SGCZ: variants seen among roughly 807,000 people sequenced by gnomAD.
SGCZ encodes sarcoglycan zeta.
A neutral mutation model predicts 41.3 loss-of-function variants in SGCZ; 40 were observed. The observed-to-expected ratio is 0.97, with a 90% CI of 0.75 to 1.26. The LOEUF is 1.26. SGCZ is among the 50% of genes most tolerant of loss of function. The pLI, the probability that SGCZ is intolerant of heterozygous loss-of-function variation, is 0.00. For missense variants in SGCZ, 552 were observed against 369.8 expected, an observed-to-expected ratio of 1.49 and a Z score of -4.04; for synonymous variants, 206 against 137.5, an observed-to-expected ratio of 1.50 and a Z score of -3.49.
intron 1 of SGCZ, among the ~76,000 whole-genome samples, chr8:14,737,911 A>T (rs1799093590): frequency 1.3e-5 from 2 of 152,136 alleles, no homozygotes; most frequent in African/African-American, 2.4e-5. Flanking sequence ...TAGTTTAGAT[A>T]CATTATTTTA....
intron 1 of SGCZ, among the ~76,000 whole-genome samples, chr8:14,729,238 C>T (rs78400616): frequency 1.9e-3 from 283 of 152,284 alleles, no homozygotes; most frequent in Non-Finnish European, 3.1e-3. Flanking sequence ...CATGCCCAGT[C>T]ACGACAACGC....
At chr8:14,821,715 C>T (rs778558625) in intron 1 of SGCZ, among the ~76,000 whole-genome samples, 5 of 151,834 alleles carry the variant, frequency 3.3e-5, no homozygotes, top group Non-Finnish European at 5.9e-5. Flanking sequence ...GACAAACATC[C>T]CTATGATCAT....
At chr8:14,838,923 A>C (rs1563306023) in intron 1 of SGCZ, among the ~76,000 whole-genome samples, 1 of 152,176 alleles carries the variant, frequency 6.6e-6, no homozygotes. Flanking sequence ...AGACTCAGAA[A>C]GGTGACCAGG....
intron 1 of SGCZ, among the ~76,000 whole-genome samples, chr8:14,701,186 C>A (rs549199553): frequency 6.6e-6 from 1 of 151,888 alleles, no homozygotes; most frequent in Non-Finnish European, 1.5e-5. Context: ...TTAAACATTA[C>A]AATAAATATG....
chr8:14,821,289 C>A (rs7008090), intron 1 of SGCZ, among the ~76,000 whole-genome samples: 58 of 151,674 alleles, frequency 3.8e-4, no homozygotes, highest in African/African-American at 1.3e-3. Context: ...AAAAACTGAA[C>A]AGAACAATAA....
intron 2 of SGCZ, among the ~76,000 whole-genome samples, chr8:14,418,866 C>T (rs568744117): frequency 1.3e-5 from 2 of 151,920 alleles, no homozygotes; most frequent in African/African-American, 4.8e-5. Context: ...TTTGTGGAAC[C>T]CCCACATTTT....
rs1349538408 is a variant in SGCZ at position 14,370,579 on chromosome 8, C to T, written c.235-46375G>A. On this transcript the variant is annotated intron_variant, in intron 2 of 7. Coordinates refer to ENST00000382080, the MANE Select transcript of SGCZ (RefSeq NM_139167.4). ...ATTCTTACTCAAGTTCTCTTTTCAG[C>T]ACTAGTGTTAAGTATTTTCTATTTA... is the stretch of plus-strand genomic sequence containing the variant. 2.6e-5 allele frequency among the ~76,000 whole-genome samples: 4 copies of T among 151,754 alleles called. No homozygotes were observed. In the East Asian group the frequency reaches 7.7e-4, roughly 29 times the overall value.
At chr8:14,813,036 T>C (rs575793917) in intron 1 of SGCZ, among the ~76,000 whole-genome samples, 1 of 152,160 alleles carries the variant, frequency 6.6e-6, no homozygotes, top group Non-Finnish European at 1.5e-5. Context: ...ATTTGAATAA[T>C]TGAAATGTTA....
intron 2 of SGCZ, among the ~76,000 whole-genome samples, chr8:14,405,016 G>A (rs1249414410): frequency 6.6e-6 from 1 of 152,172 alleles, no homozygotes; most frequent in East Asian, 1.9e-4. Context: ...AGCCTGGTGA[G>A]GCAGCTGCCA....
At chr8:15,230,434 A>G (rs1801907573) in intron 1 of SGCZ, among the ~76,000 whole-genome samples, 1 of 152,210 alleles carries the variant, frequency 6.6e-6, no homozygotes, top group Admixed American at 6.5e-5. Flanking sequence ...TTGTGATCCT[A>G]GGCATTTCAC....
intron 1 of SGCZ, among the ~76,000 whole-genome samples, chr8:14,869,120 G>A (rs1032374071): frequency 1.3e-5 from 2 of 151,992 alleles, no homozygotes; most frequent in Non-Finnish European, 2.9e-5. Context: ...CCCAAACCTG[G>A]CAGAGACACA....
chr8:14,892,871 A>G (rs1445959906), intron 1 of SGCZ, among the ~76,000 whole-genome samples: 1 of 152,152 alleles, frequency 6.6e-6, no homozygotes, highest in Non-Finnish European at 1.5e-5. Context: ...CTATCATTCT[A>G]TGGTTCTAAA....
intron 1 of SGCZ, among the ~76,000 whole-genome samples, chr8:14,751,512 G>T (rs1409950930): frequency 1.3e-5 from 2 of 152,010 alleles, no homozygotes; most frequent in Non-Finnish European, 2.9e-5. Flanking sequence ...ATAATTTAAT[G>T]GATATAATAT....
intron 5 of SGCZ, among the ~76,000 whole-genome samples, chr8:14,149,887 C>T (rs572115903): frequency 2.0e-5 from 3 of 152,056 alleles, no homozygotes; most frequent in Admixed American, 6.6e-5. Flanking sequence ...CTACAGTGAA[C>T]TCATTTTCAA....
intron 1 of SGCZ, among the ~76,000 whole-genome samples, chr8:14,728,262 G>C (rs1810123471): frequency 6.7e-6 from 1 of 148,740 alleles, no homozygotes; most frequent in Non-Finnish European, 1.5e-5. Flanking sequence ...CTTAATTGTT[G>C]AAAAAGCAGA....
chr8:15,237,459 C>T (rs1802171908), intron 1 of SGCZ, 126 bp downstream of exon 1: 4 of 1,170,372 alleles, frequency 3.4e-6, no homozygotes, highest in Non-Finnish European at 4.9e-6. Context: ...CGCGTCCCCC[C>T]AACGCCCCCT....
chr8:15,024,135 T>C (rs1803360718), intron 1 of SGCZ, among the ~76,000 whole-genome samples: 1 of 152,212 alleles, frequency 6.6e-6, no homozygotes, highest in Non-Finnish European at 1.5e-5. Context: ...TCTTAGTATA[T>C]CTTGGAAATT....
chr8:14,746,567 C>A (rs1799345454), intron 1 of SGCZ, among the ~76,000 whole-genome samples: 1 of 152,060 alleles, frequency 6.6e-6, no homozygotes, highest in Admixed American at 6.6e-5. Flanking sequence ...ATAAATAAAC[C>A]TGGCATAAGA....
chr8:15,194,840 A>T (rs941802274), intron 1 of SGCZ, among the ~76,000 whole-genome samples: 1 of 152,064 alleles, frequency 6.6e-6, no homozygotes, highest in African/African-American at 2.4e-5. Context: ...TGGACTTCTG[A>T]CCTCCCAACC....
Sources: gnomAD v4.1 joint callset for allele counts (sites outside exome capture counted in the v4.1 genomes callset) on GRCh38, gnomAD v4.1.1 for gene constraint, MANE v1.5 for transcripts, NCBI Gene and HGNC (gene_info 2026-07-23, HGNC 2026-07-21) for gene names.